Variants in SLC16A1 observed in about 807,000 individuals in gnomAD.
SLC16A1 encodes monocarboxylate transporter 1.
Under a neutral mutation model 32.2 loss-of-function variants are expected in SLC16A1, and 11 were observed. The ratio of observed to expected loss-of-function variants is 0.34; its 90% CI spans 0.21 to 0.56. SLC16A1 has a LOEUF of 0.56. SLC16A1 is among the 20% of genes least tolerant of loss of function. SLC16A1 has a pLI of 0.87. For missense variants in SLC16A1, 435 were observed against 615.0 expected, an observed-to-expected ratio of 0.71 and a Z score of 3.10; for synonymous variants, 231 against 226.8, an observed-to-expected ratio of 1.02 and a Z score of -0.17.
At chr1:112,941,789 A>G (rs1331193571) in intron 1 of SLC16A1, among the ~76,000 whole-genome samples, 1 of 152,172 alleles carries the variant, frequency 6.6e-6, no homozygotes, top group East Asian at 1.9e-4. Flanking sequence ...TTTCAAGTAA[A>G]TATAGCATGT....
intron 2 of SLC16A1, among the ~76,000 whole-genome samples, chr1:112,925,089 A>C (rs1371836817): frequency 2.6e-5 from 4 of 152,258 alleles, no homozygotes; most frequent in Non-Finnish European, 5.9e-5. Flanking sequence ...TCAGCTAACT[A>C]TATGCATATA....
intron 1 of SLC16A1, among the ~76,000 whole-genome samples, chr1:112,944,011 T>C (rs1405652564): frequency 1.3e-5 from 2 of 151,916 alleles, no homozygotes; most frequent in East Asian, 1.9e-4. Flanking sequence ...AGAAAGTAAA[T>C]AGGTAAACAA....
At chr1:112,924,168 C>G (rs1001996970) in intron 2 of SLC16A1, 1 of 1,482,070 alleles carries the variant, frequency 6.7e-7, no homozygotes, top group Non-Finnish European at 9.4e-7. Context: ...GATGTACCAC[C>G]ACTCACAGCT....
At chr1:112,914,191 G>A in intron 4 of SLC16A1, 26 bp from the exon 5 acceptor site, 1 of 1,613,690 alleles carries the variant, frequency 6.2e-7, no homozygotes, top group African/African-American at 1.3e-5. Context: ...AACACAAACA[G>A]TTGTTTCTAA....
rs762944688 is a variant in SLC16A1 at position 112,917,896 on chromosome 1, A to G, written c.510T>C (p.Gly170=). The G allele has an allele frequency of 6.2e-7, 1 of 1,607,802 alleles. No individual in the cohort carries two copies. Among genetic ancestry groups the G allele is most frequent in the Admixed American group, 1.7e-5 (1 of 58,724 alleles). Residue 170 remains glycine (G), a synonymous_variant, in exon 4 of 5, where the codon GGT becomes GGC. Transcript: ENST00000369626. This position sits in a 1 kb window ranked among gnomAD's most constrained non-coding sequence, Gnocchi z 4.1. The part of the protein sequence containing the change: ...TLAPLNQVFF[G]IFGWRGSFLI... ...GAAAGCTTCCTCTCCATCCAAAGAT[A>G]CCGAAGAAAACCTGATTGAGGGGGG... is the stretch of plus-strand genomic sequence containing the variant.
chr1:112,940,162 C>T lies in SLC16A1; in HGVS notation c.-44-10810G>A, dbSNP rs115749459. ...AAGTGATCCTCCCACCTTAGTCTCA[C>T]GAGTAGCTGAGATTACAGGCATGAG... On this transcript the variant is annotated intron_variant, in intron 1 of 4. Transcript: ENST00000369626. Among the ~76,000 whole-genome samples the T allele has an allele frequency of 6.6e-3, 992 of 150,898 alleles. 13 individuals carry two copies. The highest frequency in any genetic ancestry group is 0.023 in the African/African-American group (942 of 41,022).
intron 1 of SLC16A1, among the ~76,000 whole-genome samples, chr1:112,936,480 CAAAAAAAAAAAAAAAAA>C (rs35673011): frequency 1.8e-5 from 1 of 54,894 alleles, no homozygotes; most frequent in Non-Finnish European, 3.5e-5. Context: ...GACTCTGTCT[CAAAAAAAAAAAAAAAAA>C]AAAAAAAGGA....
At chr1:112,946,803 T>G (rs1337680950) in intron 1 of SLC16A1, among the ~76,000 whole-genome samples, 1 of 152,246 alleles carries the variant, frequency 6.6e-6, no homozygotes, top group Non-Finnish European at 1.5e-5. Flanking sequence ...TCCACCCAAC[T>G]CAGCCTCCCA....
At chr1:112,928,785 C>CA (rs1039051875) in intron 2 of SLC16A1, among the ~76,000 whole-genome samples, 3 of 151,686 alleles carry the variant, frequency 2.0e-5, no homozygotes, top group Admixed American at 1.3e-4. Context: ...CAGAGATCAA[C>CA]AAAAAAAATA....
chr1:112,944,402 C>T (rs545468751), intron 1 of SLC16A1, among the ~76,000 whole-genome samples: 28 of 152,130 alleles, frequency 1.8e-4, no homozygotes, highest in Non-Finnish European at 2.8e-4. Context: ...CAAGATCACG[C>T]CACTGGACCC....
intron 1 of SLC16A1, among the ~76,000 whole-genome samples, chr1:112,952,699 CTT>C (rs941047234): frequency 2.6e-5 from 4 of 152,032 alleles, no homozygotes; most frequent in African/African-American, 4.8e-5. Context: ...TCGCTCAACT[CTT>C]TGTGTTTTGA....
At chr1:112,954,720 AAAC>A (rs1650015472) in intron 1 of SLC16A1, among the ~76,000 whole-genome samples, 1 of 152,366 alleles carries the variant, frequency 6.6e-6, no homozygotes, top group African/African-American at 2.4e-5. Context: ...CAATCTGATG[AAAC>A]AACAGCATCT....
chr1:112,947,684 A>G (rs541494174), intron 1 of SLC16A1, among the ~76,000 whole-genome samples: 2 of 152,224 alleles, frequency 1.3e-5, no homozygotes, highest in South Asian at 4.1e-4. Flanking sequence ...ATCTCTTCTA[A>G]TAACTTTCTA....
In SLC16A1 at chr1:112,917,032, C is replaced by T. The variant is rs1191214142; in HGVS notation, c.1228+146G>A. ...CTATATTTGAGCAATTATGCTGTGC[C>T]AAGCATTGTCCCAGCATCAAGGGTA... On this transcript the variant is annotated intron_variant, in intron 4 of 4. Coordinates refer to ENST00000369626, the MANE Select transcript of SLC16A1 (RefSeq NM_003051.4). This position sits in a 1 kb window ranked among gnomAD's most constrained non-coding sequence, Gnocchi z 4.1. 8 of 1,024,704 alleles carry T rather than the reference C, an allele frequency of 7.8e-6. No individual in the cohort carries two copies. In the East Asian group the frequency reaches 1.8e-4, roughly 23 times the overall value. The allele number at this position is 1,024,704 out of a possible 1,614,324, so 63.5% of individuals were successfully genotyped here.
chr1:112,930,104 C>G (rs1649078029), intron 1 of SLC16A1, among the ~76,000 whole-genome samples: 1 of 152,116 alleles, frequency 6.6e-6, no homozygotes, highest in African/African-American at 2.4e-5. Flanking sequence ...GCAAATTAAT[C>G]AAACCCAAGG....
In SLC16A1 at chr1:112,913,771, T is replaced by A; in HGVS notation, c.*120A>T. ...AAATCCCATCAATGAACAACTGGTA[T>A]GATTTCCACACAAATGTCTACTATT... On this transcript the variant is annotated 3_prime_UTR_variant, in exon 5 of 5. Coordinates refer to ENST00000369626, the MANE Select transcript of SLC16A1 (RefSeq NM_003051.4). The A allele has an allele frequency of 8.0e-7, 1 of 1,252,246 alleles. No homozygotes were observed. The highest frequency in any genetic ancestry group is 1.2e-6 in the Non-Finnish European group (1 of 860,912). 77.6% of individuals were successfully genotyped at this position (1,252,246 alleles called of 1,614,324 possible).
intron 1 of SLC16A1, among the ~76,000 whole-genome samples, chr1:112,931,310 C>T: frequency 6.6e-6 from 1 of 152,078 alleles, no homozygotes; most frequent in African/African-American, 2.4e-5. Flanking sequence ...CAACAGCTAG[C>T]CAATACAGTT....
chr1:112,926,023 T>A (rs1048613685), intron 2 of SLC16A1, among the ~76,000 whole-genome samples: 2 of 152,170 alleles, frequency 1.3e-5, no homozygotes, highest in African/African-American at 4.8e-5. Context: ...TTAAACTACT[T>A]TATAGGATTG....
intron 4 of SLC16A1, 24 bp from the exon 5 acceptor site, chr1:112,914,189 C>G: frequency 6.2e-7 from 1 of 1,613,338 alleles, no homozygotes; most frequent in Non-Finnish European, 8.5e-7. Flanking sequence ...ACAACACAAA[C>G]AGTTGTTTCT....
Sources: allele counts gnomAD v4.1 joint callset (sites outside exome capture counted in the v4.1 genomes callset), GRCh38; gene constraint gnomAD v4.1.1; non-coding constraint Gnocchi (gnomAD v3.1); transcripts MANE v1.5; gene names NCBI Gene and HGNC (gene_info 2026-07-23, HGNC 2026-07-21).